ESCO1: variants seen among roughly 807,000 people sequenced by gnomAD.
ESCO1 encodes establishment of sister chromatid cohesion N-acetyltransferase 1.
In ESCO1, 33 loss-of-function variants were observed where a neutral mutation model predicts 83.5. That is an observed-to-expected ratio of 0.40 (90% CI 0.30 to 0.53). The LOEUF (loss-of-function observed/expected upper bound fraction) is 0.53. Ranked by LOEUF, ESCO1 falls within the 20% of genes least tolerant of loss-of-function variation. The pLI is 0.63. For missense variants in ESCO1, 855 were observed against 968.0 expected (o/e 0.88, Z 1.55); for synonymous variants, 332 against 324.3 (o/e 1.02, Z -0.25).
At chr18:21,564,618 G>C (rs1053856163) in intron 6 of ESCO1, among the ~76,000 whole-genome samples, 3 of 151,256 alleles carry the variant, frequency 2.0e-5, no homozygotes, top group Non-Finnish European at 4.4e-5. Context: ...GGATGGTCTC[G>C]ATCTCCTGAC....
intron 8 of ESCO1, among the ~76,000 whole-genome samples, chr18:21,559,727 T>C (rs79839652): frequency 0.018 from 2,675 of 152,306 alleles, 75 homozygotes; most frequent in African/African-American, 0.058. Context: ...CATAGTCAAA[T>C]TGAAAAAGTA....
At chr18:21,536,274 T>C in intron 9 of ESCO1, 89 bp from the exon 10 acceptor site, 1 of 1,398,190 alleles carries the variant, frequency 7.2e-7, no homozygotes. Flanking sequence ...ATCAACTTTA[T>C]TCCAAGCAGG....
intron 4 of ESCO1, among the ~76,000 whole-genome samples, chr18:21,571,460 G>A (rs145529495): frequency 1.3e-4 from 20 of 152,238 alleles, no homozygotes; most frequent in African/African-American, 4.8e-4. Flanking sequence ...AAAGTCCTGG[G>A]ATTAAAGGCA....
intron 8 of ESCO1, among the ~76,000 whole-genome samples, chr18:21,548,690 A>G (rs1413084008): frequency 6.6e-6 from 1 of 152,064 alleles, no homozygotes; most frequent in Non-Finnish European, 1.5e-5. Flanking sequence ...CTGTAATCCC[A>G]GCACTTTGGG....
At position 21,574,732 on chromosome 18, in the gene ESCO1, T is replaced by A; in HGVS notation, c.112A>T (p.Lys38Ter). Residue 38 changes from lysine to a stop codon, truncating the protein, a stop_gained, in exon 4 of 12, where the codon AAA (lysine) becomes TAA (stop). Transcript: ENST00000269214. LOFTEE classifies it high-confidence loss of function. ...IQDSQKNLAK[K>*]SGPKETIKSQ... ...TTTATAGTCTCCTTTGGACCTGATT[T>A]TTTTGCTAGATTCTTTTGAGAATCC... 6.2e-7 allele frequency: 1 copy of A among 1,611,376 alleles called. No individual in the cohort carries two copies. Among genetic ancestry groups the A allele is most frequent in the Non-Finnish European group, 8.5e-7 (1 of 1,179,902 alleles).
intron 2 of ESCO1, among the ~76,000 whole-genome samples, chr18:21,582,110 G>T (rs867960164): frequency 4.8e-4 from 73 of 152,040 alleles, no homozygotes; most frequent in African/African-American, 1.7e-3. Context: ...TAATTAATTG[G>T]TGTTAGAAAA....
Position 21,532,598 on chromosome 18 carries a change from A to G in ESCO1, c.2250T>C (p.Phe750=), listed in dbSNP as rs1208601536. The change falls in exon 11 of 12, where the codon TTT becomes TTC. Residue 750 remains phenylalanine (F), a synonymous_variant. Transcript: ENST00000269214. ...AGCAGCACCAGGCTTTTTGCCTTTC[A>G]AATCTGACTTTTTCTTCTTCTGACC... ...VIRSEEEKVR[F]ERQKAWCCST... is the part of the protein sequence containing the mutation. 1 of 1,614,154 alleles carries G rather than the reference A, an allele frequency of 6.2e-7. No homozygotes were observed. Among genetic ancestry groups the G allele is most frequent in the Admixed American group, 1.7e-5 (1 of 60,020 alleles).
chr18:21,545,903 C>A (rs927739592), intron 8 of ESCO1, among the ~76,000 whole-genome samples: 1 of 152,176 alleles, frequency 6.6e-6, no homozygotes, highest in African/African-American at 2.4e-5. Flanking sequence ...GCACTCCAGC[C>A]TGGGTGACAA....
At chr18:21,548,496 A>T (rs186834981) in intron 8 of ESCO1, among the ~76,000 whole-genome samples, 8 of 151,588 alleles carry the variant, frequency 5.3e-5, no homozygotes, top group Admixed American at 1.3e-4. Context: ...ACCCTGTCTC[A>T]AAAAAAGCAA....
chr18:21,596,732 GGCTGAGGCAGGAGAATC>G (rs1845721946), intron 1 of ESCO1, among the ~76,000 whole-genome samples: 2 of 152,146 alleles, frequency 1.3e-5, no homozygotes, highest in South Asian at 4.1e-4. Context: ...CTACTCGGGA[GGCTGAGGCAGGAGAATC>G]GCTTGAAGCC....
At chr18:21,545,092 G>A (rs560401535) in intron 8 of ESCO1, among the ~76,000 whole-genome samples, 4 of 152,274 alleles carry the variant, frequency 2.6e-5, no homozygotes, top group African/African-American at 9.6e-5. Context: ...TGTACTCGCT[G>A]TGTACTTTCT....
At chr18:21,553,435 A>C (rs116676457) in intron 8 of ESCO1, among the ~76,000 whole-genome samples, 7,033 of 135,900 alleles carry the variant, frequency 0.052, 622 homozygotes, top group African/African-American at 0.19. Flanking sequence ...GCAACACTCC[A>C]TTTCTATTTT....
At chr18:21,560,649 C>T (rs1035051503) in intron 8 of ESCO1, among the ~76,000 whole-genome samples, 1 of 152,140 alleles carries the variant, frequency 6.6e-6, no homozygotes. Flanking sequence ...TTCAAAATCC[C>T]ACAACATAAA....
intron 2 of ESCO1, among the ~76,000 whole-genome samples, chr18:21,580,638 GAA>G (rs1157368301): frequency 1.3e-5 from 2 of 152,178 alleles, no homozygotes; most frequent in African/African-American, 4.8e-5. Flanking sequence ...TGTGCTTACT[GAA>G]GTTTATATGA....
chr18:21,534,789 TA>T (rs2037812653), intron 10 of ESCO1, among the ~76,000 whole-genome samples: 1 of 151,964 alleles, frequency 6.6e-6, no homozygotes, highest in Non-Finnish European at 1.5e-5. Flanking sequence ...CACATCTGGC[TA>T]ATTTTTGTAT....
In ESCO1 at chr18:21,540,029, T is replaced by C. The variant is rs1417934483; in HGVS notation, c.1954-20A>G. Reference sequence around the variant, plus strand: ...CCAGCCCTAGATATATATATATATATATACACACATATGTAAAGTATGAAT... The same window carrying C: ...CCAGCCCTAGATATATATATATATACATACACACATATGTAAAGTATGAAT... On this transcript the variant is annotated intron_variant, in intron 8 of 11. Coordinates refer to ENST00000269214, the MANE Select transcript of ESCO1 (RefSeq NM_052911.3). 7.1e-7 allele frequency: 1 copy of C among 1,408,596 alleles called. No individual in the cohort carries two copies. Among genetic ancestry groups the C allele is most frequent in the Non-Finnish European group, 9.7e-7 (1 of 1,026,812 alleles). 87.3% of individuals were successfully genotyped at this position (1,408,596 alleles called of 1,614,324 possible). A position where few individuals can be genotyped will look rare whatever the true frequency, so the allele number is the denominator to read the frequency against.
chr18:21,583,283 A>C (rs1046183859), intron 2 of ESCO1, among the ~76,000 whole-genome samples: 2 of 152,168 alleles, frequency 1.3e-5, no homozygotes, highest in African/African-American at 4.8e-5. Flanking sequence ...ACAAAAGAGT[A>C]CATACTGTAT....
At chr18:21,566,037 T>C (rs2038255391) in intron 6 of ESCO1, 109 bp downstream of exon 6, 2 of 934,724 alleles carry the variant, frequency 2.1e-6, no homozygotes, top group Non-Finnish European at 3.3e-6. Context: ...GAAAAGAGAA[T>C]CTGTAGGTAA....
intron 8 of ESCO1, chr18:21,540,500 T>C (rs2037891974): frequency 8.1e-6 from 9 of 1,114,494 alleles, no homozygotes; most frequent in Non-Finnish European, 1.0e-5. Context: ...AGTAGCCCAG[T>C]ATGAAAGGAA....
Sources: gnomAD v4.1 joint callset for allele counts (sites outside exome capture counted in the v4.1 genomes callset) on GRCh38, gnomAD v4.1.1 for gene constraint, MANE v1.5 for transcripts, NCBI Gene and HGNC (gene_info 2026-07-23, HGNC 2026-07-21) for gene names.